Variants in TNFSF10 observed in about 807,000 individuals in gnomAD.
The protein encoded by TNFSF10 is TNF superfamily member 10.
Under a neutral mutation model 29.5 loss-of-function variants are expected in TNFSF10, and 13 were observed. The ratio of observed to expected loss-of-function variants is 0.44; its 90% confidence interval spans 0.29 to 0.70. The LOEUF is 0.70. Ranked by LOEUF, TNFSF10 falls within the 30% of genes least tolerant of loss-of-function variation. The pLI, the probability that TNFSF10 is intolerant of heterozygous loss-of-function variation, is 0.13. For missense variants in TNFSF10, 345 were observed against 330.9 expected (o/e 1.04, Z -0.33); for synonymous variants, 111 against 112.8 (o/e 0.98, Z 0.10).
intron 3 of TNFSF10, among the ~76,000 whole-genome samples, chr3:172,509,749 A>T (rs1432685894): frequency 3.3e-5 from 5 of 152,196 alleles, no homozygotes; most frequent in African/African-American, 2.4e-5. Flanking sequence ...ACAGAGTGGT[A>T]CCAACAAACA....
chr3:172,522,162 A>G (rs915293018), intron 1 of TNFSF10: 2 of 345,834 alleles, frequency 5.8e-6, no homozygotes, highest in South Asian at 2.5e-5. Flanking sequence ...TACCTATGTA[A>G]CAAACCTGCA....
At chr3:172,511,760 T>G in intron 2 of TNFSF10, 101 bp from the exon 3 acceptor site, 1 of 979,036 alleles carries the variant, frequency 1.0e-6, no homozygotes, top group Non-Finnish European at 1.5e-6. Flanking sequence ...AGGAAATTTC[T>G]ACATGCATTA....
intron 4 of TNFSF10, among the ~76,000 whole-genome samples, chr3:172,508,255 A>G (rs1006346196): frequency 4.0e-5 from 6 of 151,784 alleles, no homozygotes; most frequent in Admixed American, 2.6e-4. Flanking sequence ...AGATGGCACC[A>G]TTGCACTCCA....
In TNFSF10 at chr3:172,518,372, C is replaced by G. The variant is rs1283587368; in HGVS notation, c.133-3374G>C. On this transcript the variant is annotated intron_variant, in intron 1 of 4. Transcript: ENST00000241261. ...ACCAGTCCTTGATGGGGCTTGAGGT[C>G]AGCAGGGTAGACTCAGCAAGGTAGA... The G allele has an allele frequency of 4.7e-6, 6 of 1,287,276 alleles. No homozygotes were observed. The East Asian group carries it at 3.3e-4, about 72-fold the overall frequency. The allele number at this position is 1,287,276 out of a possible 1,614,324, so 79.7% of individuals were successfully genotyped here.
rs377109481 is a variant in TNFSF10, at chr3:172,514,948, A to G, written c.183T>C (p.Asp61=). 1.9e-6 allele frequency: 3 copies of G among 1,614,016 alleles called. No individual in the cohort carries two copies. The highest frequency in any genetic ancestry group is 2.7e-5 in the African/African-American group (2 of 74,904). Residue 61 remains aspartate (D), a synonymous_variant, in exon 2 of 5, where the codon GAT becomes GAC. Coordinates refer to ENST00000241261, the MANE Select transcript of TNFSF10 (RefSeq NM_003810.4). Reference sequence around the variant, plus strand: ...CGTCATTGGGGTCCCAATAACTGTCATCTTCTTTTAAGAAACAAGCAATGC... The same window carrying G: ...CGTCATTGGGGTCCCAATAACTGTCGTCTTCTTTTAAGAAACAAGCAATGC... ...KSGIACFLKE[D]DSYWDPNDEE...
At chr3:172,512,073 G>A (rs558300784) in intron 2 of TNFSF10, among the ~76,000 whole-genome samples, 1 of 152,134 alleles carries the variant, frequency 6.6e-6, no homozygotes, top group Non-Finnish European at 1.5e-5. Flanking sequence ...TAAGTGCACT[G>A]GGTAGCAGAG....
At chr3:172,507,142 G>T (rs1338614666) in intron 4 of TNFSF10, 1 of 531,640 alleles carries the variant, frequency 1.9e-6, no homozygotes, top group Non-Finnish European at 3.3e-6. Context: ...ACTGTTGGGA[G>T]TCCCTTGTCT....
chr3:172,509,369 T>G, intron 3 of TNFSF10, 48 bp from the exon 4 acceptor site: 1 of 1,468,334 alleles, frequency 6.8e-7, no homozygotes, highest in Non-Finnish European at 9.5e-7. Context: ...AAACTAGTTC[T>G]CCAATACCTT....
chr3:172,506,745 T>C lies in TNFSF10; in HGVS notation c.593A>G (p.Glu198Gly), dbSNP rs1713000869. ...TYFRFQEEIK[E>G]NTKNDKQMVQ... ...CATTTGTTTGTCGTTCTTTGTGTTT[T>C]CTTTTATTTCCTCCTGAAATCGAAA... Residue 198 changes from glutamate to glycine, a missense_variant, in exon 5 of 5, where the codon GAA becomes GGA. By Grantham distance (98) the Glu-to-Gly change is moderately conservative. Coordinates refer to ENST00000241261, the MANE Select transcript of TNFSF10 (RefSeq NM_003810.4). The C allele has an allele frequency of 6.2e-7, 1 of 1,614,102 alleles. No homozygotes were observed. The highest frequency in any genetic ancestry group is 1.3e-5 in the African/African-American group (1 of 74,942).
At chr3:172,520,801 C>A (rs1416024291) in intron 1 of TNFSF10, among the ~76,000 whole-genome samples, 1 of 152,140 alleles carries the variant, frequency 6.6e-6, no homozygotes, top group African/African-American at 2.4e-5. Flanking sequence ...AACAACAAAG[C>A]AGGGAAGATG....
At chr3:172,512,920 A>G (rs1180964842) in intron 2 of TNFSF10, among the ~76,000 whole-genome samples, 2 of 152,236 alleles carry the variant, frequency 1.3e-5, no homozygotes, top group Non-Finnish European at 2.9e-5. Context: ...ATCTATTTTT[A>G]AAATATATTT....
intron 1 of TNFSF10, chr3:172,522,500 C>A: frequency 1.0e-6 from 1 of 992,362 alleles, no homozygotes; most frequent in Non-Finnish European, 1.6e-6. Context: ...TTAAAACCTG[C>A]TGCACATTGG....
rs1560149568 is a variant in TNFSF10 at position 172,523,374 on chromosome 3, A to C, written c.11T>G (p.Met4Arg). Residue 4 changes from methionine to arginine, a missense_variant, in exon 1 of 5, where the codon ATG becomes AGG. Physicochemically the swap from Met to Arg is moderately conservative, Grantham distance 91 (BLOSUM62 -1). Coordinates refer to ENST00000241261, the MANE Select transcript of TNFSF10 (RefSeq NM_003810.4). MAMMEVQGGPSLGQ... is the reference protein window; with the variant it reads MAMREVQGGPSLGQ... ...CAGGCTGGGTCCCCCCTGGACCTCC[A>C]TCATAGCCATGATCCTGTCAGAGTC... The C allele has an allele frequency of 6.2e-7, 1 of 1,613,726 alleles. No individual in the cohort carries two copies. Among genetic ancestry groups the C allele is most frequent in the Non-Finnish European group, 8.5e-7 (1 of 1,179,684 alleles).
At chr3:172,519,885 G>A (rs1713604490) in intron 1 of TNFSF10, among the ~76,000 whole-genome samples, 1 of 152,222 alleles carries the variant, frequency 6.6e-6, no homozygotes, top group South Asian at 2.1e-4. Flanking sequence ...GGTGCTGCAG[G>A]ATGCGCTGTG....
chr3:172,514,795 T>G, intron 2 of TNFSF10, 66 bp downstream of exon 2: 1 of 1,575,040 alleles, frequency 6.3e-7, no homozygotes, highest in Non-Finnish European at 8.6e-7. Flanking sequence ...TAAAGATTCC[T>G]TTGCTTTAAG....
At chr3:172,515,737 C>G (rs189951982) in intron 1 of TNFSF10, among the ~76,000 whole-genome samples, 1 of 152,074 alleles carries the variant, frequency 6.6e-6, no homozygotes, top group Non-Finnish European at 1.5e-5. Context: ...CCCTCATCAA[C>G]AAATCCTTGC....
intron 1 of TNFSF10, among the ~76,000 whole-genome samples, chr3:172,519,388 T>A (rs1163387796): frequency 2.6e-5 from 4 of 152,206 alleles, no homozygotes; most frequent in East Asian, 3.8e-4. Flanking sequence ...ACTGGTTGAT[T>A]CAATCTTAAA....
chr3:172,515,409 G>A (rs1713388153), intron 1 of TNFSF10, among the ~76,000 whole-genome samples: 1 of 152,162 alleles, frequency 6.6e-6, no homozygotes, highest in South Asian at 2.1e-4. Flanking sequence ...AACCTACCTA[G>A]ATACAAGGTC....
intron 1 of TNFSF10, chr3:172,517,864 C>G (rs1346055392): frequency 1.0e-5 from 10 of 985,254 alleles, no homozygotes; most frequent in African/African-American, 1.7e-5. Context: ...GTTTCTCTTT[C>G]TAGACCTTTT....
Sources: allele counts gnomAD v4.1 joint callset (sites outside exome capture counted in the v4.1 genomes callset), GRCh38; gene constraint gnomAD v4.1.1; transcripts MANE v1.5; gene names NCBI Gene and HGNC (gene_info 2026-07-23, HGNC 2026-07-21).